Variants in SYN2 observed in about 807,000 individuals in gnomAD.
The protein encoded by SYN2 is synapsin II, also known as synapsin-2.
A neutral mutation model predicts 50.9 loss-of-function variants in SYN2; 19 were observed. The ratio of observed to expected loss-of-function variants is 0.37; its 90% CI spans 0.26 to 0.55. The LOEUF is 0.55. SYN2 is among the 20% of genes least tolerant of loss of function. The pLI is 0.81. For missense variants in SYN2, 587 were observed against 576.4 expected (o/e 1.02, Z -0.19); for synonymous variants, 255 against 224.9 (o/e 1.13, Z -1.20).
intron 1 of SYN2, among the ~76,000 whole-genome samples, chr3:12,024,932 C>T (rs1254981465): frequency 6.6e-6 from 1 of 152,246 alleles, no homozygotes; most frequent in South Asian, 2.1e-4. Context: ...AAAACTGTGT[C>T]TTGTCAGCTC....
chr3:12,142,086 G>A (rs1697031675), intron 3 of SYN2, 90 bp downstream of exon 3: 1 of 748,642 alleles, frequency 1.3e-6, no homozygotes, highest in Non-Finnish European at 2.5e-6. Flanking sequence ...TCAGGTGTTG[G>A]AGTGAGATAG....
At chr3:12,165,029 C>T (rs563622661) in intron 7 of SYN2, among the ~76,000 whole-genome samples, 71 of 141,814 alleles carry the variant, frequency 5.0e-4, no homozygotes, top group African/African-American at 1.7e-3. Context: ...GCTCTGCCAC[C>T]AGGCTGGAAT....
At chr3:12,145,986 T>TAAGA (rs1228578264) in intron 4 of SYN2, among the ~76,000 whole-genome samples, 151 bp downstream of exon 4, 1 of 152,136 alleles carries the variant, frequency 6.6e-6, no homozygotes, top group East Asian at 1.9e-4. Flanking sequence ...AAGATGCAGT[T>TAAGA]GGCCCCAGCT....
At chr3:12,188,355 C>T (rs1379732240) in intron 12 of SYN2, among the ~76,000 whole-genome samples, 1 of 152,228 alleles carries the variant, frequency 6.6e-6, no homozygotes, top group African/African-American at 2.4e-5. Context: ...GTTCTGCCCT[C>T]TCTCCCACAG....
chr3:12,182,175 C>T (rs1194658484), intron 10 of SYN2, among the ~76,000 whole-genome samples: 1 of 152,100 alleles, frequency 6.6e-6, no homozygotes, highest in African/African-American at 2.4e-5. Flanking sequence ...AGATAAATGG[C>T]CAGAATGGGA....
chr3:12,183,338 A>G lies in SYN2; in HGVS notation c.1335A>G (p.Ser445=), dbSNP rs1161903488. 1.2e-6 allele frequency: 2 copies of G among 1,613,520 alleles called. No individual in the cohort carries two copies. The highest frequency in any genetic ancestry group is 2.7e-5 in the African/African-American group (2 of 74,874). ...GCGGAACACTTAAGGATCCGGACTC[A>G]AGCAAGACCCCACCTCAGCGGCCAC... ...PQSGTLKDPD[S]SKTPPQRPPP... Residue 445 remains serine, a synonymous_variant, in exon 11 of 13, where the codon TCA becomes TCG. Coordinates refer to ENST00000621198, the MANE Select transcript of SYN2 (RefSeq NM_133625.6).
At chr3:12,009,807 A>G (rs181410697) in intron 1 of SYN2, among the ~76,000 whole-genome samples, 4 of 152,328 alleles carry the variant, frequency 2.6e-5, no homozygotes, top group Admixed American at 6.5e-5. Flanking sequence ...TCATTCTAAA[A>G]TGGTTGAAGA....
rs79172331 is a variant in SYN2, at chr3:12,049,018, G to A, written c.377+44090G>A. Reference sequence around the variant, plus strand: ...ATTGTCAGAGTTTTGTGAATATGTAGGTGAGATGTGAAATTAGAAGCCCTT... The same window carrying A: ...ATTGTCAGAGTTTTGTGAATATGTAAGTGAGATGTGAAATTAGAAGCCCTT... On this transcript the variant is annotated intron_variant, in intron 1 of 12. Coordinates refer to ENST00000621198, the MANE Select transcript of SYN2 (RefSeq NM_133625.6). Among the ~76,000 whole-genome samples, 1,357 of 152,254 alleles carry A rather than the reference G, an allele frequency of 8.9e-3. 19 individuals are homozygous for A. Among genetic ancestry groups the A allele is most frequent in the African/African-American group, 0.031 (1,299 of 41,532 alleles).
chr3:12,080,930 A>G (rs1337800084), intron 1 of SYN2, among the ~76,000 whole-genome samples: 1 of 152,088 alleles, frequency 6.6e-6, no homozygotes, highest in Non-Finnish European at 1.5e-5. Flanking sequence ...TGCTGTTCCA[A>G]TTGTGGTGAA....
intron 12 of SYN2, among the ~76,000 whole-genome samples, chr3:12,189,869 A>G (rs1229844617): frequency 2.6e-5 from 4 of 152,226 alleles, no homozygotes; most frequent in East Asian, 1.9e-4. Context: ...AGCCAAGCCA[A>G]TATATTCTTT....
chr3:12,167,111 G>C (rs1449282549), intron 7 of SYN2, 123 bp from the exon 8 acceptor site: 1 of 953,668 alleles, frequency 1.0e-6, no homozygotes, highest in Non-Finnish European at 1.6e-6. Flanking sequence ...ACAGACCCCT[G>C]GGCTACTTGT....
At chr3:12,068,737 C>A (rs749472494) in intron 1 of SYN2, among the ~76,000 whole-genome samples, 10 of 151,908 alleles carry the variant, frequency 6.6e-5, no homozygotes, top group Non-Finnish European at 1.2e-4. Context: ...TCCAGCCTTC[C>A]TAATGAGTTC....
At chr3:12,019,915 G>C (rs1694096820) in intron 1 of SYN2, among the ~76,000 whole-genome samples, 1 of 152,164 alleles carries the variant, frequency 6.6e-6, no homozygotes, top group Non-Finnish European at 1.5e-5. Flanking sequence ...GTGCGGCTAA[G>C]CTCCTTTCTG....
At chr3:12,014,085 A>G (rs188782455) in intron 1 of SYN2, among the ~76,000 whole-genome samples, 46 of 152,246 alleles carry the variant, frequency 3.0e-4, no homozygotes, top group African/African-American at 8.9e-4. Context: ...CCCTCTTTCA[A>G]TACTGCAAGT....
chr3:12,153,620 G>A (rs1274296641), intron 5 of SYN2: 1 of 1,614,154 alleles, frequency 6.2e-7, no homozygotes, highest in Non-Finnish European at 8.5e-7. Flanking sequence ...GCTGAGCCTG[G>A]TAACCATAGA....
chr3:12,168,570 C>A, intron 9 of SYN2, 92 bp downstream of exon 9: 4 of 1,081,754 alleles, frequency 3.7e-6, no homozygotes, highest in South Asian at 1.4e-5. Flanking sequence ...TCTCCTGAAC[C>A]ATGGAAATGT....
At chr3:12,083,008 T>C (rs1695614211) in intron 1 of SYN2, among the ~76,000 whole-genome samples, 2 of 152,108 alleles carry the variant, frequency 1.3e-5, no homozygotes, top group Non-Finnish European at 1.5e-5. Flanking sequence ...TATTTAACCA[T>C]TCTTCTTCTT....
chr3:12,007,973 G>A (rs1693832463), intron 1 of SYN2, among the ~76,000 whole-genome samples: 1 of 152,106 alleles, frequency 6.6e-6, no homozygotes, highest in Admixed American at 6.5e-5. Flanking sequence ...TTGAAATCAA[G>A]CTCTTTATAT....
At chr3:12,059,153 C>G (rs1695059959) in intron 1 of SYN2, among the ~76,000 whole-genome samples, 1 of 152,198 alleles carries the variant, frequency 6.6e-6, no homozygotes, top group Non-Finnish European at 1.5e-5. Context: ...AGGCACCAAG[C>G]AAGGAGGACC....
Sources: gnomAD v4.1 joint callset for allele counts (sites outside exome capture counted in the v4.1 genomes callset) on GRCh38, gnomAD v4.1.1 for gene constraint, MANE v1.5 for transcripts, NCBI Gene and HGNC (gene_info 2026-07-23, HGNC 2026-07-21) for gene names.